The following PRKN variants were observed in gnomAD, a reference collection of about 807,000 sequenced individuals.
PRKN encodes E3 ubiquitin-protein ligase parkin.
PRKN carries 56 observed loss-of-function variants against 59.5 expected under a neutral mutation model. The observed-to-expected ratio is 0.94, with a 90% CI of 0.76 to 1.18. The LOEUF (loss-of-function observed/expected upper bound fraction) is 1.18, where lower values mean the gene tolerates loss of function less well. Ranked by LOEUF, PRKN falls within the 50% of genes most tolerant of loss-of-function variation. The pLI, the probability that PRKN is intolerant of heterozygous loss-of-function variation, is 0.00. For missense variants in PRKN, 657 were observed against 596.4 expected (o/e 1.10, Z -1.06); for synonymous variants, 250 against 222.1 (o/e 1.13, Z -1.12).
At chr6:161,660,580 T>C (rs1049049674) in intron 7 of PRKN, among the ~76,000 whole-genome samples, 9 of 152,128 alleles carry the variant, frequency 5.9e-5, no homozygotes, top group African/African-American at 2.2e-4. Flanking sequence ...GGAGTCTGAT[T>C]GTGAACAAAA....
chr6:162,036,184 C>T (rs935804721), intron 5 of PRKN, among the ~76,000 whole-genome samples: 4 of 151,246 alleles, frequency 2.6e-5, no homozygotes, highest in Non-Finnish European at 4.4e-5. Context: ...ATTAGCCGGG[C>T]GTGGTGGCGG....
chr6:162,584,727 TCAA>T, intron 1 of PRKN, among the ~76,000 whole-genome samples: 1 of 150,812 alleles, frequency 6.6e-6, no homozygotes, highest in Admixed American at 6.7e-5. Flanking sequence ...CAAGACCAAT[TCAA>T]CAAATACCTT....
intron 1 of PRKN, among the ~76,000 whole-genome samples, chr6:162,485,733 T>C (rs1387707258): frequency 2.0e-5 from 3 of 152,288 alleles, no homozygotes; most frequent in Non-Finnish European, 4.4e-5. Context: ...TTAACTACCC[T>C]TTGGAGCAAC....
At chr6:162,469,163 G>A (rs1791583041) in intron 1 of PRKN, among the ~76,000 whole-genome samples, 1 of 152,084 alleles carries the variant, frequency 6.6e-6, no homozygotes. Context: ...TTACAAGGAA[G>A]TAATCAGCCT....
chr6:161,910,891 T>C (rs1010892252), intron 6 of PRKN, among the ~76,000 whole-genome samples: 6 of 152,196 alleles, frequency 3.9e-5, no homozygotes, highest in Admixed American at 3.3e-4. Flanking sequence ...TGTTAGCATG[T>C]TTTAGCAATA....
At chr6:162,535,509 G>T (rs1028583942) in intron 1 of PRKN, among the ~76,000 whole-genome samples, 5 of 152,000 alleles carry the variant, frequency 3.3e-5, no homozygotes, top group Non-Finnish European at 7.4e-5. Context: ...TGGTGTGTGT[G>T]TGTCTATATA....
chr6:161,779,552 C>A (rs536695591), intron 7 of PRKN, among the ~76,000 whole-genome samples: 26 of 138,436 alleles, frequency 1.9e-4, no homozygotes, highest in Non-Finnish European at 3.5e-4. Flanking sequence ...TCAAGCGATT[C>A]TCCTGTCTCA....
chr6:161,931,153 C>T (rs538972144), intron 6 of PRKN, among the ~76,000 whole-genome samples: 159 of 152,204 alleles, frequency 1.0e-3, no homozygotes, highest in Non-Finnish European at 1.9e-3. Flanking sequence ...GTAGACACGG[C>T]GGCTGGGCGT....
At chr6:161,881,207 T>C (rs1458311421) in intron 6 of PRKN, among the ~76,000 whole-genome samples, 2 of 152,164 alleles carry the variant, frequency 1.3e-5, no homozygotes, top group Non-Finnish European at 2.9e-5. Flanking sequence ...GTCATCCTAA[T>C]GCCCCCTGTG....
chr6:161,485,788 A>G (rs1791619359), intron 9 of PRKN, among the ~76,000 whole-genome samples: 1 of 151,794 alleles, frequency 6.6e-6, no homozygotes, highest in Non-Finnish European at 1.5e-5. Context: ...ACAATAATAT[A>G]TAAGGCTTTA....
chr6:162,140,829 T>C (rs888199603), intron 4 of PRKN, among the ~76,000 whole-genome samples: 2 of 152,122 alleles, frequency 1.3e-5, no homozygotes, highest in African/African-American at 4.8e-5. Flanking sequence ...ACAGGAAGAC[T>C]GTAAGATTAT....
chr6:161,679,879 C>A (rs900291444), intron 7 of PRKN, among the ~76,000 whole-genome samples: 2 of 151,494 alleles, frequency 1.3e-5, no homozygotes, highest in Non-Finnish European at 1.5e-5. Flanking sequence ...CTCAGCCCCC[C>A]CAGGAGCTGG....
At chr6:162,432,181 C>A (rs1325140333) in intron 2 of PRKN, among the ~76,000 whole-genome samples, 1 of 152,052 alleles carries the variant, frequency 6.6e-6, no homozygotes, top group African/African-American at 2.4e-5. Flanking sequence ...AATGAACTCA[C>A]CAGCTATATA....
At chr6:161,798,245 G>T (rs1583177781) in intron 6 of PRKN, among the ~76,000 whole-genome samples, 1 of 152,134 alleles carries the variant, frequency 6.6e-6, no homozygotes, top group African/African-American at 2.4e-5. Flanking sequence ...CAAAAAAAAT[G>T]AGTTCAGGTG....
intron 2 of PRKN, among the ~76,000 whole-genome samples, chr6:162,419,285 CA>C (rs1788829490): frequency 1.3e-5 from 2 of 151,974 alleles, no homozygotes; most frequent in Admixed American, 6.5e-5. Flanking sequence ...TCTTCCTCAA[CA>C]AAAGGCTGGT....
rs1413083634 is a variant in PRKN at position 161,581,556 on chromosome 6, T to G, written c.872-12140A>C. Among the ~76,000 whole-genome samples the G allele has an allele frequency of 2.0e-5, 3 of 152,184 alleles. No individual in the cohort carries two copies. The highest frequency in any genetic ancestry group is 7.2e-5 in the African/African-American group (3 of 41,432). ...AAGAGGATATGCTGAAGTCTGAGGT[T>G]TGAGTCACTGGACAATCAGAAGCAA... On this transcript the variant is annotated intron_variant, in intron 7 of 11. Coordinates refer to ENST00000366898, the MANE Select transcript of PRKN (RefSeq NM_004562.3). The surrounding 1 kb of genome is among the most constrained non-coding windows in gnomAD (Gnocchi z 4.5).
At chr6:162,388,546 G>A (rs1454375566) in intron 2 of PRKN, among the ~76,000 whole-genome samples, 2 of 152,154 alleles carry the variant, frequency 1.3e-5, no homozygotes, top group African/African-American at 2.4e-5. Context: ...CAGGTCAAAA[G>A]GTGACTGACT....
At chr6:162,520,792 C>G (rs1188745535) in intron 1 of PRKN, among the ~76,000 whole-genome samples, 6 of 149,506 alleles carry the variant, frequency 4.0e-5, no homozygotes, top group Non-Finnish European at 5.9e-5. Flanking sequence ...GTCTAAGGCC[C>G]TTAGTTTAAA....
At chr6:162,250,581 ACATGG>A (rs1779393508) in intron 3 of PRKN, among the ~76,000 whole-genome samples, 1 of 152,236 alleles carries the variant, frequency 6.6e-6, no homozygotes, top group African/African-American at 2.4e-5. Context: ...AAGATTGATC[ACATGG>A]CATCAGCCAG....
Sources: allele counts gnomAD v4.1 joint callset (sites outside exome capture counted in the v4.1 genomes callset), GRCh38; gene constraint gnomAD v4.1.1; non-coding constraint Gnocchi (gnomAD v3.1); transcripts MANE v1.5; gene names NCBI Gene and HGNC (gene_info 2026-07-23, HGNC 2026-07-21).